The following C1QTNF3 variants were observed in gnomAD, a reference collection of about 807,000 sequenced individuals.
C1QTNF3 encodes the protein C1q and TNF related 3.
Under a neutral mutation model 32.6 loss-of-function variants are expected in C1QTNF3, and 26 were observed. That is an observed-to-expected ratio of 0.80 (90% confidence interval 0.58 to 1.11). The LOEUF is 1.11. Among genes scored for constraint, C1QTNF3 ranks in the 50% least tolerant of loss-of-function variants. The probability of loss-of-function intolerance (pLI) is 0.00; values close to 1 mark genes in which losing one functional copy is unlikely to be tolerated. For synonymous variants in C1QTNF3, 155 were observed against 146.0 expected, an observed-to-expected ratio of 1.06 and a Z score of -0.44; for missense variants, 362 against 398.2, an observed-to-expected ratio of 0.91 and a Z score of 0.77.
Position 34,019,333 on chromosome 5 carries a change from T to G in C1QTNF3, c.*1250A>C, listed in dbSNP as rs1754270251. 1 of 152,206 alleles carries G rather than the reference T, an allele frequency of 6.6e-6. No homozygotes were observed. The highest frequency in any genetic ancestry group is 1.5e-5 in the Non-Finnish European group (1 of 68,034). 9.4% of individuals were successfully genotyped at this position (152,206 alleles called of 1,614,324 possible). ...TTTCCCATCTCTGTTGTGAATCAAT[T>G]TCCCACACACCTGGGACTTGTTGCC... On this transcript the variant is annotated 3_prime_UTR_variant, in exon 6 of 6. Coordinates refer to ENST00000382065, the MANE Select transcript of C1QTNF3 (RefSeq NM_181435.6).
chr5:34,049,028 T>C, the C1QTNF3 span, among the ~76,000 whole-genome samples: 1 of 151,098 alleles, frequency 6.6e-6, no homozygotes, highest in African/African-American at 2.4e-5. Context: ...CAGAGGGCAA[T>C]TTAATTCCTT....
At chr5:34,230,177 G>A in the C1QTNF3 span, among the ~76,000 whole-genome samples, 1 of 152,164 alleles carries the variant, frequency 6.6e-6, no homozygotes, top group Non-Finnish European at 1.5e-5. Flanking sequence ...CCAAGACAGG[G>A]AACATGCATC....
the C1QTNF3 span, among the ~76,000 whole-genome samples, chr5:34,133,877 G>A: frequency 1.3e-5 from 2 of 152,300 alleles, no homozygotes; most frequent in African/African-American, 4.8e-5. Context: ...TTCGTTTCAC[G>A]AAAGCAGAAA....
rs564440144 is a variant in C1QTNF3, at chr5:34,038,607, G to T, written c.304-2849C>A. Among the ~76,000 whole-genome samples, 8 of 152,214 alleles carry T rather than the reference G, an allele frequency of 5.3e-5. No individual in the cohort carries two copies. In the South Asian group the frequency reaches 1.5e-3, roughly 28 times the overall value. ...GCATCTTTCCAAAAGAAATGCAATTGTCTTAAGACCCCCTCCTTAGGAATC... is the reference window on the plus strand; with the variant it reads ...GCATCTTTCCAAAAGAAATGCAATTTTCTTAAGACCCCCTCCTTAGGAATC... On this transcript the variant is annotated intron_variant, in intron 1 of 5. Coordinates refer to ENST00000382065, the MANE Select transcript of C1QTNF3 (RefSeq NM_181435.6).
the C1QTNF3 span, among the ~76,000 whole-genome samples, chr5:34,071,818 G>A: frequency 6.6e-6 from 1 of 152,154 alleles, no homozygotes; most frequent in African/African-American, 2.4e-5. Context: ...TGGGAATGCT[G>A]AAGTTCTAGG....
the C1QTNF3 span, among the ~76,000 whole-genome samples, chr5:34,070,407 T>C: frequency 6.6e-6 from 1 of 152,204 alleles, no homozygotes; most frequent in Non-Finnish European, 1.5e-5. Flanking sequence ...AGAGAGTAAA[T>C]TCTCTTAACA....
chr5:34,170,045 T>C, the C1QTNF3 span, among the ~76,000 whole-genome samples: 1 of 152,330 alleles, frequency 6.6e-6, no homozygotes, highest in African/African-American at 2.4e-5. Flanking sequence ...TCTATGCCCA[T>C]TGGCAGATGA....
the C1QTNF3 span, among the ~76,000 whole-genome samples, chr5:34,173,973 C>T: frequency 2.6e-5 from 4 of 152,218 alleles, no homozygotes; most frequent in African/African-American, 9.7e-5. Context: ...CTTGGTGGCT[C>T]TTAGTTGATC....
chr5:34,123,572 G>T, the C1QTNF3 span, among the ~76,000 whole-genome samples: 1 of 150,374 alleles, frequency 6.7e-6, no homozygotes, highest in African/African-American at 2.4e-5. Context: ...TCTTCATGTT[G>T]TCAATGATTA....
the C1QTNF3 span, among the ~76,000 whole-genome samples, chr5:34,162,929 C>T: frequency 6.6e-6 from 1 of 152,106 alleles, no homozygotes; most frequent in African/African-American, 2.4e-5. Context: ...TTCAATGCTA[C>T]AGAGAAGAGA....
intron 2 of C1QTNF3, among the ~76,000 whole-genome samples, chr5:34,035,388 A>G (rs1290726836): frequency 6.6e-6 from 1 of 152,232 alleles, no homozygotes; most frequent in African/African-American, 2.4e-5. Flanking sequence ...AGCCCAGAGC[A>G]GTAAGCTTTT....
At chr5:34,096,842 T>C in the C1QTNF3 span, among the ~76,000 whole-genome samples, 1 of 151,554 alleles carries the variant, frequency 6.6e-6, no homozygotes, top group Non-Finnish European at 1.5e-5. Flanking sequence ...CACTCTTTGT[T>C]ATCAGCTTAT....
At chr5:34,208,802 G>A in the C1QTNF3 span, among the ~76,000 whole-genome samples, 612 of 126,700 alleles carry the variant, frequency 4.8e-3, no homozygotes, top group South Asian at 8.3e-3. Flanking sequence ...ATTCCCAATC[G>A]TCACTGCTTT....
At chr5:34,240,376 CTAGA>C in the C1QTNF3 span, among the ~76,000 whole-genome samples, 1 of 150,868 alleles carries the variant, frequency 6.6e-6, no homozygotes, top group Non-Finnish European at 1.5e-5. Context: ...AGACCTTTAG[CTAGA>C]TAAACAAAGA....
the C1QTNF3 span, among the ~76,000 whole-genome samples, chr5:34,131,614 T>G: frequency 1.3e-5 from 2 of 152,180 alleles, no homozygotes; most frequent in African/African-American, 4.8e-5. Flanking sequence ...TGGAATATAC[T>G]AGAGACAGGG....
chr5:34,056,442 GTGTGTGTGTGTGTATATA>G, the C1QTNF3 span, among the ~76,000 whole-genome samples: 43 of 52,084 alleles, frequency 8.3e-4, no homozygotes, highest in South Asian at 2.2e-3. Flanking sequence ...GTGTGTGTGT[GTGTGTGTGTGTGTATATA>G]TATATATATA....
chr5:34,148,171 G>C, the C1QTNF3 span, among the ~76,000 whole-genome samples: 1 of 148,746 alleles, frequency 6.7e-6, no homozygotes, highest in South Asian at 2.2e-4. Context: ...GGCGCACCAC[G>C]AGACTATATC....
At chr5:34,125,698 G>A in the C1QTNF3 span, among the ~76,000 whole-genome samples, 11 of 152,110 alleles carry the variant, frequency 7.2e-5, no homozygotes, top group East Asian at 3.8e-4. Flanking sequence ...AAGGTTTCAC[G>A]TCTATTAATG....
At chr5:34,089,462 A>G in the C1QTNF3 span, among the ~76,000 whole-genome samples, 1 of 152,206 alleles carries the variant, frequency 6.6e-6, no homozygotes, top group African/African-American at 2.4e-5. Context: ...AAGAAGTCCC[A>G]GAGAGCTACC....
Sources: allele counts gnomAD v4.1 joint callset (sites outside exome capture counted in the v4.1 genomes callset), GRCh38; gene constraint gnomAD v4.1.1; transcripts MANE v1.5; gene names NCBI Gene and HGNC (gene_info 2026-07-23, HGNC 2026-07-21).